Variants in OPHN1 observed in about 807,000 individuals in gnomAD.
The protein encoded by OPHN1 is oligophrenin-1.
In OPHN1, 11 loss-of-function variants were observed where a neutral mutation model predicts 60.7. That is an observed-to-expected ratio of 0.18 (90% CI 0.11 to 0.30). The LOEUF (loss-of-function observed/expected upper bound fraction) is 0.30, where lower values mean the gene tolerates loss of function less well. Ranked by LOEUF, OPHN1 falls within the 10% of genes least tolerant of loss-of-function variation. The pLI is 1.00. For missense variants in OPHN1, 449 were observed against 611.0 expected (o/e 0.73, Z 2.80); for synonymous variants, 226 against 222.6 (o/e 1.02, Z -0.14).
rs2078895926 is a variant in OPHN1 at position 68,433,399 on chromosome X, CACTTG to C, written c.-241_-237del. The C allele has an allele frequency of 1.4e-5, 4 of 278,966 alleles. No individual in the cohort carries two copies. 23.0% of individuals were successfully genotyped at this position (278,966 alleles called of 1,213,427 possible). A position where few individuals can be genotyped will look rare whatever the true frequency, so the allele number is the denominator to read the frequency against. On this transcript the variant is annotated 5_prime_UTR_variant, in exon 1 of 25. Transcript: ENST00000355520. ...CCTTCCTGAGCAATTGCAAACGTGA[CACTTG>C]GGCCCGCCCAAGGTGTAGGCGAGGT...
At chrX:68,305,128 C>T (rs2078139123) in intron 2 of OPHN1, among the ~76,000 whole-genome samples, 1 of 111,233 alleles carries the variant, frequency 9.0e-6, no homozygotes, top group Admixed American at 9.6e-5. Flanking sequence ...CCTATAATCC[C>T]AGCACTTTGG....
intron 18 of OPHN1, among the ~76,000 whole-genome samples, chrX:68,108,119 G>T (rs1332623205): frequency 1.8e-5 from 2 of 112,054 alleles, no homozygotes; most frequent in African/African-American, 6.5e-5. Flanking sequence ...ATTATTTATT[G>T]TTATTGATGT....
Position 68,213,976 on chromosome X carries a change from T to C in OPHN1, c.487-4A>G. Reference sequence around the variant, plus strand: ...CCTTGTCCACCTGTAGGTCTGCCTGTAGAAGAAGGAAAACAAACATTACAT... The same window carrying C: ...CCTTGTCCACCTGTAGGTCTGCCTGCAGAAGAAGGAAAACAAACATTACAT... On this transcript the variant is annotated splice_polypyrimidine_tract_variant and splice_region_variant and intron_variant, in intron 6 of 24. Transcript: ENST00000355520. 1.9e-6 allele frequency: 2 copies of C among 1,077,483 alleles called. No homozygotes were observed. The highest frequency in any genetic ancestry group is 2.6e-6 in the Non-Finnish European group (2 of 776,185). 88.8% of individuals were successfully genotyped at this position (1,077,483 alleles called of 1,213,427 possible).
At chrX:68,330,002 T>C (rs1272008121) in intron 2 of OPHN1, among the ~76,000 whole-genome samples, 1 of 112,136 alleles carries the variant, frequency 8.9e-6, no homozygotes, top group East Asian at 2.8e-4. Context: ...ATGCTTACAG[T>C]CTCATTAGTG....
intron 2 of OPHN1, among the ~76,000 whole-genome samples, chrX:68,417,281 C>T (rs372756561): frequency 5.4e-5 from 6 of 111,050 alleles, no homozygotes; most frequent in African/African-American, 9.8e-5. Context: ...TTAGTAGATA[C>T]GGAGTTTTGC....
chrX:68,274,985 T>C (rs2077986088), intron 4 of OPHN1, among the ~76,000 whole-genome samples, 176 bp from the exon 5 acceptor site: 1 of 112,270 alleles, frequency 8.9e-6, no homozygotes, highest in Non-Finnish European at 1.9e-5. Context: ...ATCAAATGCA[T>C]TGAGAAGAAA....
At chrX:68,222,849 A>AGT (rs1285377513) in intron 6 of OPHN1, among the ~76,000 whole-genome samples, 1 of 32 alleles carries the variant, frequency 0.031, no homozygotes, top group Admixed American at 0.11. Context: ...TAGTGGGTGC[A>AGT]GCGCCAGCCA....
At chrX:68,134,829 A>G (rs2077212618) in intron 15 of OPHN1, among the ~76,000 whole-genome samples, 1 of 110,892 alleles carries the variant, frequency 9.0e-6, no homozygotes, top group Admixed American at 9.6e-5. Context: ...TGTTTTGGCA[A>G]CCGCCTGCCC....
intron 2 of OPHN1, among the ~76,000 whole-genome samples, chrX:68,317,366 A>AG: frequency 1.4e-5 from 1 of 72,832 alleles, no homozygotes; most frequent in Non-Finnish European, 2.5e-5. Flanking sequence ...AAAGAAAGAA[A>AG]GAAAGAAAGA....
intron 21 of OPHN1, among the ~76,000 whole-genome samples, chrX:68,054,719 T>G (rs981401526): frequency 5.4e-5 from 6 of 111,104 alleles, no homozygotes; most frequent in African/African-American, 2.0e-4. Flanking sequence ...ATGTGTGAAC[T>G]GCCAAAAATT....
chrX:68,281,625 A>G (rs1402279114), intron 4 of OPHN1, among the ~76,000 whole-genome samples: 4 of 112,360 alleles, frequency 3.6e-5, no homozygotes, highest in Non-Finnish European at 3.8e-5. Context: ...TATTAAGAAA[A>G]TAAAAAGACA....
At chrX:68,217,947 G>A (rs1341141954) in intron 6 of OPHN1, among the ~76,000 whole-genome samples, 46 of 100,855 alleles carry the variant, frequency 4.6e-4, no homozygotes, top group South Asian at 1.1e-3. Context: ...TTGACGAGCT[G>A]AGAGAAGAAG....
chrX:68,265,110 A>T (rs1159274116), intron 5 of OPHN1, among the ~76,000 whole-genome samples: 1 of 112,584 alleles, frequency 8.9e-6, no homozygotes, highest in Non-Finnish European at 1.9e-5. Flanking sequence ...GGGGCAGGGT[A>T]TTGCCAAACA....
In OPHN1 at chrX:68,053,651, G is replaced by A; in HGVS notation, c.2318C>T (p.Ser773Leu). The stretch of plus-strand genomic sequence containing the variant: ...GAGGTACAACCCTACTTACACAGAT[G>A]ATGTGATTTCCCCCGCATTGCCAGC... Reference protein sequence around the residue: ...IVAGNAGEITSSVVASRTRFF... With the variant: ...IVAGNAGEITLSVVASRTRFF... Residue 773 changes from serine (S) to leucine (L), a missense_variant, in exon 22 of 25, where the codon TCA becomes TTA. By Grantham distance (145) the Ser-to-Leu change is moderately radical (BLOSUM62 -2). Coordinates refer to ENST00000355520, the MANE Select transcript of OPHN1 (RefSeq NM_002547.3). 8.3e-7 allele frequency: 1 copy of A among 1,211,115 alleles called. No homozygotes were observed. Among genetic ancestry groups the A allele is most frequent in the Non-Finnish European group, 1.1e-6 (1 of 895,137 alleles).
At chrX:68,216,407 C>T (rs778245501) in intron 6 of OPHN1, among the ~76,000 whole-genome samples, 1 of 110,665 alleles carries the variant, frequency 9.0e-6, no homozygotes, top group Admixed American at 9.7e-5. Flanking sequence ...CCCTTTTAAA[C>T]GTCAGTGATC....
rs1344547757 is a variant in OPHN1, at chrX:68,308,518, G to C, written c.155-9422C>G. ...AAGATGGGAGGATCACTTGAGCTCA[G>C]GAGTCAGAGGTTGCAGTGAGCTGAG... On this transcript the variant is annotated intron_variant, in intron 2 of 24. Coordinates refer to ENST00000355520, the MANE Select transcript of OPHN1 (RefSeq NM_002547.3). 2.7e-5 allele frequency among the ~76,000 whole-genome samples: 3 copies of C among 109,219 alleles called. No homozygotes were observed. The Admixed American group carries it at 3.0e-4, about 11-fold the overall frequency. 94.8% of individuals were successfully genotyped at this position (109,219 alleles called of 115,157 possible). A position where few individuals can be genotyped will look rare whatever the true frequency, so the allele number is the denominator to read the frequency against.
intron 2 of OPHN1, among the ~76,000 whole-genome samples, chrX:68,422,108 G>A (rs953392297): frequency 4.5e-5 from 5 of 111,301 alleles, no homozygotes; most frequent in African/African-American, 1.6e-4. Flanking sequence ...GAAATCACTT[G>A]ATCCTAGCCC....
chrX:68,349,847 G>A (rs751341380), intron 2 of OPHN1, among the ~76,000 whole-genome samples: 1 of 110,222 alleles, frequency 9.1e-6, no homozygotes, highest in African/African-American at 3.3e-5. Context: ...CTCATAAGTG[G>A]GAGTTAAACA....
chrX:68,393,755 G>T (rs1352982862), intron 2 of OPHN1, among the ~76,000 whole-genome samples: 2 of 109,128 alleles, frequency 1.8e-5, no homozygotes, highest in East Asian at 2.9e-4. Flanking sequence ...TTTTTTACCA[G>T]AAGTTTTATG....
Sources: gnomAD v4.1 joint callset for allele counts (sites outside exome capture counted in the v4.1 genomes callset) on GRCh38, gnomAD v4.1.1 for gene constraint, MANE v1.5 for transcripts, NCBI Gene and HGNC (gene_info 2026-07-23, HGNC 2026-07-21) for gene names.